The following DNAH14 variants were observed in gnomAD, a reference collection of about 807,000 sequenced individuals.
DNAH14 encodes the protein axonemal beta dynein heavy chain 14.
A neutral mutation model predicts 520.9 loss-of-function variants in DNAH14; 478 were observed. That is an observed-to-expected ratio of 0.92 (90% CI 0.85 to 0.99). The LOEUF (loss-of-function observed/expected upper bound fraction) is 0.99, where lower values mean the gene tolerates loss of function less well. Ranked by LOEUF, DNAH14 falls within the 50% of genes least tolerant of loss-of-function variation. DNAH14 has a pLI of 0.00. For missense variants in DNAH14, 4,831 were observed against 5,234.5 expected (o/e 0.92, Z 2.38); for synonymous variants, 1,581 against 1,757.2 (o/e 0.90, Z 2.51).
At chr1:225,263,823 A>T (rs1410231478) in intron 46 of DNAH14, among the ~76,000 whole-genome samples, 1 of 152,146 alleles carries the variant, frequency 6.6e-6, no homozygotes, top group Non-Finnish European at 1.5e-5. Flanking sequence ...TCTATCAAAC[A>T]TGAGAAAAAC....
intron 17 of DNAH14, among the ~76,000 whole-genome samples, chr1:225,060,106 T>C (rs1273847732): frequency 6.6e-6 from 1 of 152,216 alleles, no homozygotes; most frequent in African/African-American, 2.4e-5. Flanking sequence ...TCCTGGATAA[T>C]ATCCTGCAGA....
intron 8 of DNAH14, among the ~76,000 whole-genome samples, chr1:224,994,126 G>A (rs1039585164): frequency 1.3e-5 from 2 of 151,938 alleles, no homozygotes; most frequent in African/African-American, 4.8e-5. Flanking sequence ...AGGGTGTTTT[G>A]TGTGCACTTG....
Position 225,324,280 on chromosome 1 carries a change from C to T in DNAH14, c.9554C>T (p.Ser3185Leu), listed in dbSNP as rs1279813363. The change falls in exon 63 of 86, where the codon TCG becomes TTG. Residue 3185 changes from serine to leucine, a missense_variant. Transcript: ENST00000682510. Reference sequence around the variant, plus strand: ...CCTGATTTCAACCCACACAAGATTTCGCTGGTTTCTGTTGCTTGTTGCTCC... The same window carrying T: ...CCTGATTTCAACCCACACAAGATTTTGCTGGTTTCTGTTGCTTGTTGCTCC... ...TLPDFNPHKISLVSVACCSLC... is the reference protein window; with the variant it reads ...TLPDFNPHKILLVSVACCSLC... 45 of 1,551,652 alleles carry T rather than the reference C, an allele frequency of 2.9e-5. No individual in the cohort carries two copies. Among genetic ancestry groups the T allele is most frequent in the Non-Finnish European group, 2.9e-5 (33 of 1,147,006 alleles).
At chr1:225,180,611 T>C (rs2083869849) in intron 36 of DNAH14, among the ~76,000 whole-genome samples, 1 of 152,118 alleles carries the variant, frequency 6.6e-6, no homozygotes, top group Non-Finnish European at 1.5e-5. Context: ...CATTCACCCC[T>C]GAGGGAAGGC....
intron 35 of DNAH14, among the ~76,000 whole-genome samples, chr1:225,162,584 T>C (rs1413190128): frequency 6.6e-6 from 1 of 152,214 alleles, no homozygotes; most frequent in African/African-American, 2.4e-5. Context: ...ATGTCATTGG[T>C]ATTTTGATAG....
rs575381494 is a variant in DNAH14, at chr1:225,161,938, T to G, written c.5445+2453T>G. Among the ~76,000 whole-genome samples, 8 of 152,348 alleles carry G rather than the reference T, an allele frequency of 5.3e-5. No homozygotes were observed. In the South Asian group the frequency reaches 1.0e-3, roughly 20 times the overall value. ...GTCAGATGGGTAGTTTGTAAATATTTTCTCCCATTCTGTGGGTTGTCTCTT... is the reference window on the plus strand; with the variant it reads ...GTCAGATGGGTAGTTTGTAAATATTGTCTCCCATTCTGTGGGTTGTCTCTT... On this transcript the variant is annotated intron_variant, in intron 35 of 85. Transcript: ENST00000682510.
intron 17 of DNAH14, among the ~76,000 whole-genome samples, chr1:225,066,661 C>A (rs2070920916): frequency 6.6e-6 from 1 of 151,916 alleles, no homozygotes; most frequent in South Asian, 2.1e-4. Context: ...CCCACCCTTC[C>A]CACCTGAGTC....
intron 38 of DNAH14, among the ~76,000 whole-genome samples, chr1:225,201,589 G>C (rs931696347): frequency 6.6e-6 from 1 of 152,078 alleles, no homozygotes; most frequent in Non-Finnish European, 1.5e-5. Context: ...CCTTTTCCTA[G>C]GGATGTGGCT....
rs1245155248 is a variant in DNAH14, at chr1:225,182,330, C to T, written c.5536-2961C>T. Among the ~76,000 whole-genome samples the T allele has an allele frequency of 3.3e-5, 5 of 151,948 alleles. No individual in the cohort carries two copies. In the East Asian group the frequency reaches 7.7e-4, roughly 23 times the overall value. ...ATTATTCACATAGGGAAAAATAGAT[C>T]CTCAACTGGCACCTTAAAAAAATTC... On this transcript the variant is annotated intron_variant, in intron 36 of 85. Transcript: ENST00000682510.
chr1:225,127,459 G>A (rs935711195), intron 27 of DNAH14, among the ~76,000 whole-genome samples: 4 of 152,060 alleles, frequency 2.6e-5, no homozygotes, highest in African/African-American at 9.7e-5. Flanking sequence ...TTACCATTAT[G>A]TAATGGCCTT....
At chr1:225,208,623 A>G (rs557113297) in intron 41 of DNAH14, among the ~76,000 whole-genome samples, 8 of 152,344 alleles carry the variant, frequency 5.3e-5, no homozygotes, top group African/African-American at 1.9e-4. Context: ...GTTTCAGGAA[A>G]TAATTGCCTA....
At chr1:225,383,815 T>C (rs2095807016) in intron 81 of DNAH14, among the ~76,000 whole-genome samples, 2 of 152,242 alleles carry the variant, frequency 1.3e-5, no homozygotes, top group Admixed American at 1.3e-4. Context: ...TCTCTAGTTC[T>C]TTTAATTGTA....
At chr1:225,007,257 T>A (rs139884412) in intron 9 of DNAH14, among the ~76,000 whole-genome samples, 156 bp from the exon 10 acceptor site, 99 of 152,320 alleles carry the variant, frequency 6.5e-4, no homozygotes, top group African/African-American at 2.4e-3. Flanking sequence ...ATTTAACAAG[T>A]GTTTAAATTT....
At chr1:224,946,162 C>A (rs1403658989) in intron 1 of DNAH14, among the ~76,000 whole-genome samples, 2 of 152,196 alleles carry the variant, frequency 1.3e-5, no homozygotes, top group East Asian at 3.9e-4. Flanking sequence ...TTCCTGGCTG[C>A]TTTGTTTACC....
intron 23 of DNAH14, among the ~76,000 whole-genome samples, chr1:225,102,766 G>C (rs527955846): frequency 6.6e-6 from 1 of 152,300 alleles, no homozygotes; most frequent in East Asian, 1.9e-4. Context: ...ATCTGACTGA[G>C]TTCATTGTAG....
intron 54 of DNAH14, among the ~76,000 whole-genome samples, 173 bp from the exon 55 acceptor site, chr1:225,289,712 A>C (rs1316832364): frequency 6.6e-6 from 1 of 152,138 alleles, no homozygotes; most frequent in African/African-American, 2.4e-5. Context: ...CCTTATAAAA[A>C]TTTTGATAAA....
Position 225,051,718 on chromosome 1 carries a change from T to C in DNAH14, c.2347T>C (p.Tyr783His), listed in dbSNP as rs780736517. ...SLDYQSECLL[Y>H]IDNVIHMSHT... ...TGATTATCAATCAGAATGCTTACTG[T>C]ATATTGACAACGTCATACATATGAG... The change falls in exon 17 of 86, where the codon TAT becomes CAT. Residue 783 changes from tyrosine (Y) to histidine (H), a missense_variant. Physicochemically the swap from Tyr to His is moderately conservative, Grantham distance 83. Transcript: ENST00000682510. The C allele has an allele frequency of 1.9e-6, 3 of 1,551,004 alleles. No individual in the cohort carries two copies. The highest frequency in any genetic ancestry group is 2.6e-6 in the Non-Finnish European group (3 of 1,146,736).
At chr1:225,183,020 T>A (rs2084235700) in intron 36 of DNAH14, among the ~76,000 whole-genome samples, 1 of 152,000 alleles carries the variant, frequency 6.6e-6, no homozygotes, top group Non-Finnish European at 1.5e-5. Flanking sequence ...AGAGCCCATG[T>A]CACTCTTTTC....
chr1:224,973,523 G>A (rs1291833076), intron 7 of DNAH14, among the ~76,000 whole-genome samples: 1 of 152,150 alleles, frequency 6.6e-6, no homozygotes, highest in African/African-American at 2.4e-5. Context: ...GAAACAGTTG[G>A]CCTGTCTTTT....
Sources: gnomAD v4.1 joint callset for allele counts (sites outside exome capture counted in the v4.1 genomes callset) on GRCh38, gnomAD v4.1.1 for gene constraint, MANE v1.5 for transcripts, NCBI Gene and HGNC (gene_info 2026-07-23, HGNC 2026-07-21) for gene names.